DNAH5: variants seen among roughly 807,000 people sequenced by gnomAD.
DNAH5 encodes the protein axonemal beta dynein heavy chain 5.
A neutral mutation model predicts 518.2 loss-of-function variants in DNAH5; 372 were observed. The observed-to-expected ratio is 0.72, with a 90% CI of 0.66 to 0.78. The LOEUF (loss-of-function observed/expected upper bound fraction) is 0.78. DNAH5 is among the 30% of genes least tolerant of loss of function. The probability of loss-of-function intolerance (pLI) is 0.00; values close to 1 mark genes in which losing one functional copy is unlikely to be tolerated. For missense variants in DNAH5, 5,523 were observed against 5,687.0 expected (o/e 0.97, Z 0.93); for synonymous variants, 2,039 against 2,025.9 (o/e 1.01, Z -0.17).
At chr5:13,806,864 G>T (rs1188625379) in intron 47 of DNAH5, among the ~76,000 whole-genome samples, 1 of 152,050 alleles carries the variant, frequency 6.6e-6, no homozygotes, top group Non-Finnish European at 1.5e-5. Flanking sequence ...GTGATACATA[G>T]AGCAAAATAT....
At chr5:13,808,986 G>T in intron 46 of DNAH5, 58 bp downstream of exon 46, 1 of 1,587,266 alleles carries the variant, frequency 6.3e-7, no homozygotes, top group Non-Finnish European at 8.6e-7. Flanking sequence ...AATAAATGCA[G>T]GATGCTTCAT....
chr5:13,776,816 C>A lies in DNAH5; in HGVS notation c.9106-110G>T, dbSNP rs1007993446. 6.7e-5 allele frequency: 83 copies of A among 1,234,322 alleles called. 2 individuals are homozygous for A. The highest frequency in any genetic ancestry group is 2.7e-4 in the Admixed American group (13 of 48,954). 76.5% of individuals were successfully genotyped at this position (1,234,322 alleles called of 1,614,324 possible). Reference sequence around the variant, plus strand: ...TTCTCCATTTGTGTTCTTGAACTCACCTACAGAAAATTGAAAGTTTTCAAG... The same window carrying A: ...TTCTCCATTTGTGTTCTTGAACTCAACTACAGAAAATTGAAAGTTTTCAAG... On this transcript the variant is annotated intron_variant, in intron 54 of 78. Transcript: ENST00000265104.
chr5:13,812,743 AC>A (rs2127033117), intron 43 of DNAH5, among the ~76,000 whole-genome samples: 1 of 152,332 alleles, frequency 6.6e-6, no homozygotes, highest in Non-Finnish European at 1.5e-5. Flanking sequence ...CATTTGAGAA[AC>A]CTAGTATTAA....
intron 11 of DNAH5, among the ~76,000 whole-genome samples, chr5:13,912,181 C>T (rs1195273810): frequency 6.6e-6 from 1 of 152,104 alleles, no homozygotes; most frequent in African/African-American, 2.4e-5. Flanking sequence ...CTAAGCCATT[C>T]TCAAACTCAG....
At position 13,916,382 on chromosome 5, in the gene DNAH5, T is replaced by C; in HGVS notation, c.1163A>G (p.Asn388Ser). 6.6e-7 allele frequency: 1 copy of C among 1,525,206 alleles called. No homozygotes were observed. The highest frequency in any genetic ancestry group is 9.1e-7 in the Non-Finnish European group (1 of 1,101,048). 94.5% of individuals were successfully genotyped at this position (1,525,206 alleles called of 1,614,324 possible). Residue 388 changes from asparagine to serine, a missense_variant, in exon 9 of 79, where the codon AAT becomes AGT. By Grantham distance (46) the Asn-to-Ser change is conservative. Coordinates refer to ENST00000265104, the MANE Select transcript of DNAH5 (RefSeq NM_001369.3). ...KMIYSISHYY[N>S]TSEKITSLFV... ...CAGAGATGTGATCTTCTCAGAGGTA[T>C]TATAGTAATGAGAGATACTATAGAT...
intron 1 of DNAH5, among the ~76,000 whole-genome samples, chr5:13,988,385 T>G (rs1783210643): frequency 6.6e-6 from 1 of 151,818 alleles, no homozygotes; most frequent in Non-Finnish European, 1.5e-5. Context: ...GCTTGCTGTT[T>G]ACAGGAGGTG....
At chr5:13,734,524 G>A (rs1747073721) in intron 68 of DNAH5, among the ~76,000 whole-genome samples, 1 of 152,088 alleles carries the variant, frequency 6.6e-6, no homozygotes. Flanking sequence ...GCTGCACAGG[G>A]TCTTCATCCG....
Position 13,883,206 on chromosome 5 carries a change from A to C in DNAH5, c.2984-112T>G, listed in dbSNP as rs138890889. 1.1e-3 allele frequency: 1,302 copies of C among 1,140,168 alleles called. 30 individuals carry two copies. The East Asian group carries it at 0.033, about 29-fold the overall frequency. 70.6% of individuals were successfully genotyped at this position (1,140,168 alleles called of 1,614,324 possible). On this transcript the variant is annotated intron_variant, in intron 19 of 78. Coordinates refer to ENST00000265104, the MANE Select transcript of DNAH5 (RefSeq NM_001369.3). ...ACATAATAGGTATAAAATCTAATAA[A>C]TATTTGTTGAATGAATGAGTCAATT...
intron 73 of DNAH5, among the ~76,000 whole-genome samples, 189 bp from the exon 74 acceptor site, chr5:13,716,879 T>C (rs191500334): frequency 1.2e-4 from 19 of 152,348 alleles, no homozygotes; most frequent in Non-Finnish European, 2.2e-4. Context: ...CTCAGGTCCA[T>C]GATTTGAAAT....
In DNAH5 at chr5:13,922,299, T is replaced by A. The variant is rs1419297529; in HGVS notation, c.468A>T (p.Ala156=). The change falls in exon 5 of 79, where the codon GCA becomes GCT. Residue 156 remains alanine (A), a synonymous_variant. Transcript: ENST00000265104. ...QEVSFNMLDA[A]DGGLLNSVRR... is the part of the protein sequence containing the mutation. ...TCACACTGTTGAGCAGGCCTCCATC[T>A]GCCGCATCTAACATGTTAAAACTCA... 3 of 1,614,068 alleles carry A rather than the reference T, an allele frequency of 1.9e-6. No homozygotes were observed. The highest frequency in any genetic ancestry group is 2.5e-6 in the Non-Finnish European group (3 of 1,179,962).
chr5:13,790,943 A>C (rs1040210007), intron 50 of DNAH5, among the ~76,000 whole-genome samples: 1 of 152,170 alleles, frequency 6.6e-6, no homozygotes, highest in African/African-American at 2.4e-5. Flanking sequence ...GAGGAGAGAG[A>C]GGAGCAGAAA....
chr5:13,954,389 A>T (rs779711233), intron 1 of DNAH5, among the ~76,000 whole-genome samples: 1 of 152,240 alleles, frequency 6.6e-6, no homozygotes, highest in Admixed American at 6.5e-5. Flanking sequence ...CACGTGGAAA[A>T]TATACCCTTT....
chr5:13,718,879 C>T lies in DNAH5; in HGVS notation c.12499+3G>A. The T allele has an allele frequency of 6.2e-7, 1 of 1,609,104 alleles. No individual in the cohort carries two copies. Among genetic ancestry groups the T allele is most frequent in the Non-Finnish European group, 8.5e-7 (1 of 1,175,402 alleles). The stretch of plus-strand genomic sequence containing the variant: ...GTAGACTCGCAAGTATTTCTGGACT[C>T]ACCACTATATGTTCTTTTCAGTCCT... On this transcript the variant is annotated splice_donor_region_variant and intron_variant, in intron 72 of 78. Transcript: ENST00000265104.
Position 13,776,667 on chromosome 5 carries a change from TAATTTCATC to T in DNAH5, c.9136_9144del (p.Asp3046_Ile3048del). The T allele has an allele frequency of 6.2e-7, 1 of 1,613,834 alleles. No homozygotes were observed. Among genetic ancestry groups the T allele is most frequent in the Non-Finnish European group, 8.5e-7 (1 of 1,179,800 alleles). On this transcript the variant is annotated inframe_deletion, in exon 55 of 79. Coordinates refer to ENST00000265104, the MANE Select transcript of DNAH5 (RefSeq NM_001369.3). ...TTCATGACTGATGCCAGGTCGCTAT[TAATTTCATC>T]AATTTCATCTCGAGCAAATAGGTTA...
chr5:13,697,078 A>T (rs529505747), intron 78 of DNAH5, among the ~76,000 whole-genome samples: 2 of 152,364 alleles, frequency 1.3e-5, no homozygotes, highest in South Asian at 4.1e-4. Flanking sequence ...ACAAGAAAAA[A>T]CAGGAACATG....
At chr5:13,969,288 T>C in intron 1 of DNAH5, among the ~76,000 whole-genome samples, 1 of 152,164 alleles carries the variant, frequency 6.6e-6, no homozygotes, top group South Asian at 2.1e-4. Flanking sequence ...TCATTTATCT[T>C]CTGTAATTTT....
chr5:13,874,284 C>G (rs1164153756), intron 22 of DNAH5, among the ~76,000 whole-genome samples: 1 of 152,266 alleles, frequency 6.6e-6, no homozygotes, highest in South Asian at 2.1e-4. Context: ...GTTCCAGAAT[C>G]CAGAGCTCTC....
chr5:13,896,549 TA>T (rs1211559038), intron 15 of DNAH5: 1 of 152,236 alleles, frequency 6.6e-6, no homozygotes, highest in Non-Finnish European at 1.5e-5. Context: ...TATATTAATT[TA>T]CTTACTTACA....
chr5:13,985,472 A>G (rs1162466801), intron 1 of DNAH5, among the ~76,000 whole-genome samples: 1 of 125,240 alleles, frequency 8.0e-6, no homozygotes, highest in Non-Finnish European at 1.9e-5. Flanking sequence ...TATATAAAGC[A>G]AAGATGCAGA....
Sources: allele counts gnomAD v4.1 joint callset (sites outside exome capture counted in the v4.1 genomes callset), GRCh38; gene constraint gnomAD v4.1.1; transcripts MANE v1.5; gene names NCBI Gene and HGNC (gene_info 2026-07-23, HGNC 2026-07-21).